The following CYP2J2 variants were observed in gnomAD, a reference collection of about 807,000 sequenced individuals.
CYP2J2 encodes cytochrome P450 family 2 subfamily J member 2.
A neutral mutation model predicts 48.8 loss-of-function variants in CYP2J2; 41 were observed. The ratio of observed to expected loss-of-function variants is 0.84; its 90% CI spans 0.66 to 1.09. The LOEUF is 1.09. Ranked by LOEUF, CYP2J2 falls within the 50% of genes least tolerant of loss-of-function variation. The probability of loss-of-function intolerance (pLI) is 0.00; values close to 1 mark genes in which losing one functional copy is unlikely to be tolerated. For synonymous variants in CYP2J2, 221 were observed against 227.1 expected (o/e 0.97, Z 0.24); for missense variants, 644 against 617.3 (o/e 1.04, Z -0.46).
At chr1:59,967,391 C>T in the CYP2J2 span, among the ~76,000 whole-genome samples, 1 of 152,134 alleles carries the variant, frequency 6.6e-6, no homozygotes, top group Non-Finnish European at 1.5e-5. Flanking sequence ...TTTTAAAACT[C>T]GACCTATTCT....
chr1:59,934,940 T>C, the CYP2J2 span, among the ~76,000 whole-genome samples: 5 of 138,718 alleles, frequency 3.6e-5, no homozygotes, highest in Admixed American at 7.4e-5. Context: ...AGCCAAGATA[T>C]AGAAACAACC....
the CYP2J2 span, among the ~76,000 whole-genome samples, chr1:59,963,057 TA>T: frequency 6.6e-6 from 1 of 152,248 alleles, no homozygotes; most frequent in African/African-American, 2.4e-5. Flanking sequence ...ATTTTGTTTT[TA>T]AATAGCTCTA....
At chr1:59,939,040 A>G in the CYP2J2 span, among the ~76,000 whole-genome samples, 4 of 152,352 alleles carry the variant, frequency 2.6e-5, no homozygotes, top group African/African-American at 9.6e-5. Context: ...ATTGGAGCAA[A>G]GTTACAGATT....
chr1:59,915,832 G>T, intron 2 of CYP2J2, 106 bp downstream of exon 2: 1 of 1,064,740 alleles, frequency 9.4e-7, no homozygotes, highest in Non-Finnish European at 1.3e-6. Flanking sequence ...TTTATTATGG[G>T]GCTGGTTTCT....
chr1:59,967,017 A>C, the CYP2J2 span, among the ~76,000 whole-genome samples: 1 of 152,142 alleles, frequency 6.6e-6, no homozygotes, highest in Admixed American at 6.5e-5. Context: ...TACTTTTACA[A>C]TGTATATCCA....
intron 2 of CYP2J2, among the ~76,000 whole-genome samples, chr1:59,914,895 A>G (rs1644450772): frequency 6.6e-6 from 1 of 152,198 alleles, no homozygotes; most frequent in Non-Finnish European, 1.5e-5. Flanking sequence ...ATGTTTCGGT[A>G]TAAAACCCGA....
chr1:59,902,095 T>A (rs1010196658), intron 7 of CYP2J2, among the ~76,000 whole-genome samples: 1 of 152,172 alleles, frequency 6.6e-6, no homozygotes, highest in Non-Finnish European at 1.5e-5. Flanking sequence ...GCATCCTTTT[T>A]AAATGCTATT....
At chr1:59,934,989 G>GATATATATAT in the CYP2J2 span, among the ~76,000 whole-genome samples, 1 of 58,390 alleles carries the variant, frequency 1.7e-5, no homozygotes, top group Non-Finnish European at 3.5e-5. Context: ...AAGAAAATGG[G>GATATATATAT]ATATATATAT....
intron 2 of CYP2J2, chr1:59,913,113 A>G (rs1644433003): frequency 6.6e-6 from 1 of 152,190 alleles, no homozygotes; most frequent in African/African-American, 2.4e-5. Flanking sequence ...TTGCAGCAGC[A>G]GTAGACACTT....
At chr1:59,925,890 T>C (rs958262826) in intron 1 of CYP2J2, among the ~76,000 whole-genome samples, 9 of 152,170 alleles carry the variant, frequency 5.9e-5, no homozygotes, top group African/African-American at 2.2e-4. Context: ...TTTCTTGAGA[T>C]AGGGTTTGAT....
chr1:59,918,329 A>G (rs558213472), intron 1 of CYP2J2, among the ~76,000 whole-genome samples: 7 of 152,346 alleles, frequency 4.6e-5, no homozygotes, highest in African/African-American at 1.4e-4. Flanking sequence ...TCTAACTAGC[A>G]AAGTATACAG....
chr1:59,926,909 C>T (rs1013301973), upstream of CYP2J2: 14 of 653,076 alleles, frequency 2.1e-5, no homozygotes, highest in African/African-American at 2.2e-4. Context: ...AGGACACGCA[C>T]CGGTCTCAGA....
At chr1:59,898,663 T>A (rs1335973785) in intron 8 of CYP2J2, among the ~76,000 whole-genome samples, 1 of 152,226 alleles carries the variant, frequency 6.6e-6, no homozygotes, top group Non-Finnish European at 1.5e-5. Flanking sequence ...GAGAGAACAC[T>A]AGACTAGAAG....
the CYP2J2 span, among the ~76,000 whole-genome samples, chr1:59,959,322 G>A: frequency 6.6e-6 from 1 of 152,100 alleles, no homozygotes; most frequent in Non-Finnish European, 1.5e-5. Flanking sequence ...CCACCAGAAT[G>A]TAAGCCCTCA....
At chr1:59,895,212 T>G (rs1429445284) in intron 8 of CYP2J2, among the ~76,000 whole-genome samples, 2 of 152,234 alleles carry the variant, frequency 1.3e-5, no homozygotes, top group Admixed American at 1.3e-4. Context: ...GTACAGCCAG[T>G]ACATGATCAT....
At chr1:59,942,828 T>C in the CYP2J2 span, among the ~76,000 whole-genome samples, 1 of 152,122 alleles carries the variant, frequency 6.6e-6, no homozygotes, top group African/African-American at 2.4e-5. Context: ...ATAATGATAA[T>C]AACAATCATA....
chr1:59,935,025 T>TATATATATATATATATATATATATATAC, the CYP2J2 span, among the ~76,000 whole-genome samples: 2 of 85,834 alleles, frequency 2.3e-5, no homozygotes, highest in Non-Finnish European at 5.0e-5. Context: ...CATATATATA[T>TATATATATATATATATATATATATATAC]ATATATATAT....
intron 1 of CYP2J2, among the ~76,000 whole-genome samples, chr1:59,918,032 G>C (rs749862976): frequency 1.3e-5 from 2 of 152,014 alleles, no homozygotes; most frequent in Non-Finnish European, 1.5e-5. Flanking sequence ...TATTCTTTTG[G>C]CCCAGAGTCC....
chr1:59,961,388 G>A, the CYP2J2 span, among the ~76,000 whole-genome samples: 16 of 152,250 alleles, frequency 1.1e-4, no homozygotes, highest in African/African-American at 3.4e-4. Flanking sequence ...AACATCATTA[G>A]TCATTAGGAA....
Sources: allele counts gnomAD v4.1 joint callset (sites outside exome capture counted in the v4.1 genomes callset), GRCh38; gene constraint gnomAD v4.1.1; transcripts MANE v1.5; gene names NCBI Gene and HGNC (gene_info 2026-07-23, HGNC 2026-07-21).